TLK1: variants seen among roughly 807,000 people sequenced by gnomAD.
The protein encoded by TLK1 is tousled like kinase 1.
Under a neutral mutation model 105.3 loss-of-function variants are expected in TLK1, and 24 were observed. The ratio of observed to expected loss-of-function variants is 0.23; its 90% CI spans 0.17 to 0.32. The LOEUF (loss-of-function observed/expected upper bound fraction) is 0.32, where lower values mean the gene tolerates loss of function less well. TLK1 is among the 10% of genes least tolerant of loss of function. The pLI is 1.00. For missense variants in TLK1, 558 were observed against 910.5 expected (o/e 0.61, Z 4.98); for synonymous variants, 321 against 310.4 (o/e 1.03, Z -0.36).
chr2:171,225,424 T>A (rs986067014), intron 1 of TLK1, among the ~76,000 whole-genome samples: 1 of 151,878 alleles, frequency 6.6e-6, no homozygotes, highest in Non-Finnish European at 1.5e-5. Flanking sequence ...CACAATGAGA[T>A]AGCCACCCAC....
At chr2:171,005,937 C>G (rs1684632174) in intron 18 of TLK1, among the ~76,000 whole-genome samples, 2 of 152,084 alleles carry the variant, frequency 1.3e-5, no homozygotes, top group Non-Finnish European at 2.9e-5. Flanking sequence ...CCAGGTCATT[C>G]TCTCTCCAGT....
At chr2:170,997,574 G>A (rs1684125611) in intron 19 of TLK1, 138 bp downstream of exon 19, 1 of 484,240 alleles carries the variant, frequency 2.1e-6, no homozygotes, top group South Asian at 5.8e-5. Context: ...GGAAATTTTA[G>A]GAAGAAATAG....
chr2:171,125,571 A>G (rs1690835662), intron 1 of TLK1, among the ~76,000 whole-genome samples: 1 of 152,252 alleles, frequency 6.6e-6, no homozygotes, highest in African/African-American at 2.4e-5. Flanking sequence ...GTGGTACACC[A>G]AACAGTAGCT....
At chr2:171,157,385 T>C (rs1239628961) in intron 1 of TLK1, among the ~76,000 whole-genome samples, 1 of 152,166 alleles carries the variant, frequency 6.6e-6, no homozygotes, top group African/African-American at 2.4e-5. Flanking sequence ...CACAGGATTA[T>C]AGAAGACAAA....
At chr2:171,102,829 T>C (rs575645667) in intron 2 of TLK1, among the ~76,000 whole-genome samples, 1 of 152,120 alleles carries the variant, frequency 6.6e-6, no homozygotes, top group African/African-American at 2.4e-5. Context: ...GATACAGCAG[T>C]GAAAAAAACA....
chr2:171,057,244 G>A (rs1687544802), intron 5 of TLK1, among the ~76,000 whole-genome samples: 1 of 152,022 alleles, frequency 6.6e-6, no homozygotes, highest in African/African-American at 2.4e-5. Flanking sequence ...TGGGGGTGTA[G>A]ATTATTGTCC....
intron 3 of TLK1, among the ~76,000 whole-genome samples, chr2:171,071,289 T>C (rs1489742117): frequency 6.6e-6 from 1 of 152,064 alleles, no homozygotes; most frequent in Non-Finnish European, 1.5e-5. Context: ...GTGATCCCAT[T>C]TGTCCTTTTT....
intron 1 of TLK1, among the ~76,000 whole-genome samples, chr2:171,200,295 C>G (rs747336599): frequency 6.6e-6 from 1 of 152,146 alleles, no homozygotes; most frequent in Non-Finnish European, 1.5e-5. Context: ...TCTACCCCCC[C>G]ATCCTGTGTT....
intron 11 of TLK1, among the ~76,000 whole-genome samples, chr2:171,042,992 T>C (rs754708624): frequency 2.0e-5 from 3 of 151,814 alleles, no homozygotes; most frequent in Non-Finnish European, 4.4e-5. Flanking sequence ...AGGTTAAACA[T>C]GGTGAGACAT....
intron 2 of TLK1, among the ~76,000 whole-genome samples, chr2:171,115,468 C>T (rs1690381202): frequency 1.3e-5 from 2 of 152,042 alleles, no homozygotes; most frequent in South Asian, 2.1e-4. Flanking sequence ...CAACCGTGCC[C>T]GGCCTTTTAA....
intron 4 of TLK1, among the ~76,000 whole-genome samples, 181 bp from the exon 5 acceptor site, chr2:171,058,378 G>C (rs1481972621): frequency 1.3e-5 from 2 of 151,936 alleles, no homozygotes; most frequent in African/African-American, 4.8e-5. Context: ...AATGATGTAA[G>C]TGATGTCCTG....
At chr2:171,224,263 G>A (rs1319554671) in intron 1 of TLK1, among the ~76,000 whole-genome samples, 1 of 152,102 alleles carries the variant, frequency 6.6e-6, no homozygotes, top group Non-Finnish European at 1.5e-5. Flanking sequence ...CTATACATGT[G>A]TAGACTTATT....
intron 18 of TLK1, among the ~76,000 whole-genome samples, chr2:171,001,064 G>C (rs1418420025): frequency 6.6e-6 from 1 of 152,124 alleles, no homozygotes. Flanking sequence ...GACTGCCTCT[G>C]TCATAAATCC....
At chr2:171,131,593 A>G (rs1002301390) in intron 1 of TLK1, among the ~76,000 whole-genome samples, 3 of 152,180 alleles carry the variant, frequency 2.0e-5, no homozygotes, top group Non-Finnish European at 2.9e-5. Flanking sequence ...ATATTTCTTC[A>G]TATTTCTTCC....
chr2:171,176,992 C>G (rs1692841393), intron 1 of TLK1, among the ~76,000 whole-genome samples: 2 of 152,036 alleles, frequency 1.3e-5, no homozygotes, highest in African/African-American at 2.4e-5. Flanking sequence ...GCCACCATGC[C>G]CAGTTAATTT....
intron 11 of TLK1, among the ~76,000 whole-genome samples, chr2:171,039,010 A>G (rs540247545): frequency 1.4e-4 from 21 of 152,254 alleles, no homozygotes; most frequent in African/African-American, 5.1e-4. Flanking sequence ...TCATATTTAT[A>G]TAAATTTAGA....
intron 18 of TLK1, among the ~76,000 whole-genome samples, chr2:171,001,213 CT>C (rs1684350515): frequency 6.6e-6 from 1 of 152,172 alleles, no homozygotes; most frequent in Admixed American, 6.5e-5. Context: ...TCATGATGTT[CT>C]GTCTACTGGT....
At chr2:171,026,405 C>CT (rs1303887585) in intron 12 of TLK1, among the ~76,000 whole-genome samples, 3 of 152,122 alleles carry the variant, frequency 2.0e-5, no homozygotes, top group Non-Finnish European at 4.4e-5. Flanking sequence ...ACAAACCCTC[C>CT]TTTGAAGCCT....
intron 1 of TLK1, among the ~76,000 whole-genome samples, chr2:171,210,543 C>A (rs557247567): frequency 1.7e-4 from 26 of 152,080 alleles, no homozygotes; most frequent in Non-Finnish European, 3.4e-4. Context: ...AAATCTCTGA[C>A]TAGTATATCC....
Sources: gnomAD v4.1 joint callset for allele counts (sites outside exome capture counted in the v4.1 genomes callset) on GRCh38, gnomAD v4.1.1 for gene constraint, MANE v1.5 for transcripts, NCBI Gene and HGNC (gene_info 2026-07-23, HGNC 2026-07-21) for gene names.